SLC24A2: variants seen among roughly 807,000 people sequenced by gnomAD.
SLC24A2 encodes solute carrier family 24 member 2.
Under a neutral mutation model 62.0 loss-of-function variants are expected in SLC24A2, and 36 were observed. That is an observed-to-expected ratio of 0.58 (90% CI 0.44 to 0.77). SLC24A2 has a LOEUF of 0.77. Among genes scored for constraint, SLC24A2 ranks in the 30% least tolerant of loss-of-function variants. The pLI is 0.00. For synonymous variants in SLC24A2, 358 were observed against 294.0 expected (o/e 1.22, Z -2.23); for missense variants, 846 against 817.9 (o/e 1.03, Z -0.42).
At chr9:20,007,389 C>A in the SLC24A2 span, among the ~76,000 whole-genome samples, 1 of 152,040 alleles carries the variant, frequency 6.6e-6, no homozygotes, top group Non-Finnish European at 1.5e-5. Flanking sequence ...TAATGTCTGC[C>A]TTGGCAAGGG....
At chr9:19,802,081 G>C in the SLC24A2 span, among the ~76,000 whole-genome samples, 1 of 152,158 alleles carries the variant, frequency 6.6e-6, no homozygotes, top group Non-Finnish European at 1.5e-5. Context: ...ATAAACTTTA[G>C]AGTAAATTTA....
the SLC24A2 span, among the ~76,000 whole-genome samples, chr9:20,073,199 T>G: frequency 2.0e-5 from 3 of 152,210 alleles, no homozygotes; most frequent in Non-Finnish European, 2.9e-5. Context: ...GTATCATCTG[T>G]GGCTTAGGAT....
the SLC24A2 span, among the ~76,000 whole-genome samples, chr9:20,094,409 C>A: frequency 1.3e-5 from 2 of 152,174 alleles, no homozygotes; most frequent in Non-Finnish European, 2.9e-5. Context: ...ACAAAAGGAA[C>A]TGCGAGTATT....
At chr9:20,107,152 T>A in the SLC24A2 span, among the ~76,000 whole-genome samples, 2 of 152,166 alleles carry the variant, frequency 1.3e-5, no homozygotes, top group Non-Finnish European at 2.9e-5. Flanking sequence ...GTGAAGGAGC[T>A]CTTCAAGGAG....
At chr9:19,968,739 T>C in the SLC24A2 span, among the ~76,000 whole-genome samples, 1 of 152,192 alleles carries the variant, frequency 6.6e-6, no homozygotes, top group Admixed American at 6.5e-5. Flanking sequence ...TCTAATGCTC[T>C]GCTTTTTCTC....
chr9:20,260,188 GT>G, the SLC24A2 span, among the ~76,000 whole-genome samples: 1 of 152,244 alleles, frequency 6.6e-6, no homozygotes, highest in Non-Finnish European at 1.5e-5. Flanking sequence ...AAAAGGGCTG[GT>G]TTGGCCCTTC....
chr9:19,836,842 A>C, the SLC24A2 span, among the ~76,000 whole-genome samples: 2 of 152,212 alleles, frequency 1.3e-5, no homozygotes, highest in Admixed American at 1.3e-4. Context: ...AAATACTGGC[A>C]AACAGAATCC....
the SLC24A2 span, among the ~76,000 whole-genome samples, chr9:20,055,583 A>C: frequency 6.6e-6 from 1 of 152,172 alleles, no homozygotes; most frequent in Admixed American, 6.6e-5. Flanking sequence ...GGGTAGAATC[A>C]GGATTTGAAC....
the SLC24A2 span, among the ~76,000 whole-genome samples, chr9:20,231,309 A>G: frequency 5.3e-5 from 8 of 152,194 alleles, no homozygotes; most frequent in Admixed American, 5.2e-4. Flanking sequence ...CACTGAATCT[A>G]TAAATTATCT....
chr9:19,634,759 C>G (rs1407321735), intron 2 of SLC24A2, among the ~76,000 whole-genome samples: 2 of 152,118 alleles, frequency 1.3e-5, no homozygotes, highest in African/African-American at 4.8e-5. Context: ...AAACCTGGAG[C>G]TTTAATCATT....
At chr9:20,279,439 G>A in the SLC24A2 span, among the ~76,000 whole-genome samples, 2 of 152,208 alleles carry the variant, frequency 1.3e-5, no homozygotes, top group Non-Finnish European at 2.9e-5. Context: ...GCTGAGGCAG[G>A]AGAATCACTT....
At chr9:19,686,453 T>C (rs1428676445) in intron 2 of SLC24A2, among the ~76,000 whole-genome samples, 1 of 152,022 alleles carries the variant, frequency 6.6e-6, no homozygotes, top group Non-Finnish European at 1.5e-5. Flanking sequence ...AAGACACATG[T>C]ACATTGATAT....
intron 3 of SLC24A2, 125 bp downstream of exon 3, chr9:19,622,136 A>G: frequency 2.6e-6 from 2 of 773,558 alleles, no homozygotes; most frequent in Non-Finnish European, 4.6e-6. Context: ...ATCAGGGGTT[A>G]GATTATTTAA....
chr9:19,917,352 T>TG, the SLC24A2 span, among the ~76,000 whole-genome samples: 2 of 121,598 alleles, frequency 1.6e-5, no homozygotes, highest in Non-Finnish European at 3.6e-5. Context: ...TCTTTTTGTG[T>TG]GGTTTTTTTT....
chr9:20,273,093 C>T, the SLC24A2 span, among the ~76,000 whole-genome samples: 1 of 152,164 alleles, frequency 6.6e-6, no homozygotes, highest in Non-Finnish European at 1.5e-5. Context: ...CAATACCACA[C>T]CCAACAGAGG....
At chr9:19,608,513 G>C (rs987125888) in intron 4 of SLC24A2, among the ~76,000 whole-genome samples, 1 of 152,162 alleles carries the variant, frequency 6.6e-6, no homozygotes, top group Non-Finnish European at 1.5e-5. Context: ...ATAGAGTCCT[G>C]TGTGAGTGAA....
Position 19,607,953 on chromosome 9 carries a change from G to C in SLC24A2, c.1079-10674C>G, listed in dbSNP as rs541310828. Among the ~76,000 whole-genome samples, 267 of 152,226 alleles carry C rather than the reference G, an allele frequency of 1.8e-3. 2 individuals are homozygous for C. Among genetic ancestry groups the C allele is most frequent in the Non-Finnish European group, 2.5e-3 (167 of 68,006 alleles). On this transcript the variant is annotated intron_variant, in intron 4 of 10. Coordinates refer to ENST00000341998, the MANE Select transcript of SLC24A2 (RefSeq NM_020344.4). ...AACCATGTTTCAAATTCAAATATGAGAATAATGCTTTACTATTCCCTAAAG... is the reference window on the plus strand; with the variant it reads ...AACCATGTTTCAAATTCAAATATGACAATAATGCTTTACTATTCCCTAAAG...
chr9:20,003,891 G>GAAA, the SLC24A2 span, among the ~76,000 whole-genome samples: 2 of 115,946 alleles, frequency 1.7e-5, no homozygotes, highest in Non-Finnish European at 1.9e-5. Flanking sequence ...GATGTTTAAC[G>GAAA]AAAAAAAAAA....
chr9:20,051,429 T>C, the SLC24A2 span, among the ~76,000 whole-genome samples: 2 of 151,990 alleles, frequency 1.3e-5, no homozygotes, highest in South Asian at 2.1e-4. Flanking sequence ...CAGTATTTGA[T>C]AGAACAGACA....
Sources: allele counts gnomAD v4.1 joint callset (sites outside exome capture counted in the v4.1 genomes callset), GRCh38; gene constraint gnomAD v4.1.1; transcripts MANE v1.5; gene names NCBI Gene and HGNC (gene_info 2026-07-23, HGNC 2026-07-21).